Variants in AGPAT4 observed in about 807,000 individuals in gnomAD.
AGPAT4 encodes 1-acylglycerol-3-phosphate O-acyltransferase 4.
AGPAT4 carries 15 observed loss-of-function variants against 48.0 expected under a neutral mutation model. The ratio of observed to expected loss-of-function variants is 0.31; its 90% CI spans 0.21 to 0.48. The LOEUF is 0.48. Among genes scored for constraint, AGPAT4 ranks in the 20% least tolerant of loss-of-function variants. The pLI is 0.99. For missense variants in AGPAT4, 314 were observed against 482.5 expected (o/e 0.65, Z 3.27); for synonymous variants, 178 against 198.7 (o/e 0.90, Z 0.88).
chr6:161,166,595 G>A lies in AGPAT4; in HGVS notation c.179-178C>T, dbSNP rs543813598. Among the ~76,000 whole-genome samples the A allele has an allele frequency of 5.9e-5, 9 of 152,266 alleles. No individual in the cohort carries two copies. The highest frequency in any genetic ancestry group is 3.4e-3 in the Middle Eastern group (1 of 294). ...AGGGTTCAGAAGCGGAAGGAAACACGAGAAAGACTTCACAACATTCTCCAG... is the reference window on the plus strand; with the variant it reads ...AGGGTTCAGAAGCGGAAGGAAACACAAGAAAGACTTCACAACATTCTCCAG... On this transcript the variant is annotated intron_variant, in intron 2 of 8. Transcript: ENST00000320285. This position sits in a 1 kb window ranked among gnomAD's most constrained non-coding sequence, Gnocchi z 6.7.
At chr6:161,162,390 C>T (rs746336957) in intron 3 of AGPAT4, among the ~76,000 whole-genome samples, 2 of 152,234 alleles carry the variant, frequency 1.3e-5, no homozygotes, top group East Asian at 1.9e-4. Context: ...GCTCCTGCCC[C>T]GGGCGCCCGC....
rs73595100 is a variant in AGPAT4 at position 161,242,733 on chromosome 6, T to A, written c.-89-10431A>T. On this transcript the variant is annotated intron_variant, in intron 1 of 8. Coordinates refer to ENST00000320285, the MANE Select transcript of AGPAT4 (RefSeq NM_020133.3). The surrounding 1 kb of genome is among the most constrained non-coding windows in gnomAD (Gnocchi z 5.0). ...TCCAAACAGAAATGAAAAAAATTAA[T>A]CTTCCAAACAGGGGAAACGTCCACA... Among the ~76,000 whole-genome samples, 4,074 of 152,248 alleles carry A rather than the reference T, an allele frequency of 0.027. 213 individuals are homozygous for A. The highest frequency in any genetic ancestry group is 0.094 in the African/African-American group (3,919 of 41,528).
rs1430893741 is a variant in AGPAT4, at chr6:161,242,346, G to A, written c.-89-10044C>T. On this transcript the variant is annotated intron_variant, in intron 1 of 8. Coordinates refer to ENST00000320285, the MANE Select transcript of AGPAT4 (RefSeq NM_020133.3). This position sits in a 1 kb window ranked among gnomAD's most constrained non-coding sequence, Gnocchi z 5.0. The stretch of plus-strand genomic sequence containing the variant: ...TAGACTTCATGAACTTCAGCCTTCC[G>A]GGACGCCTGGGATTTCAGTCCATGG... 1.3e-5 allele frequency among the ~76,000 whole-genome samples: 2 copies of A among 152,130 alleles called. No homozygotes were observed. Among genetic ancestry groups the A allele is most frequent in the Non-Finnish European group, 2.9e-5 (2 of 68,026 alleles).
chr6:161,131,724 T>C lies in AGPAT4; in HGVS notation c.*4816A>G, dbSNP rs921766782. 1.3e-5 allele frequency: 2 copies of C among 152,222 alleles called. No individual in the cohort carries two copies. The highest frequency in any genetic ancestry group is 2.4e-5 in the African/African-American group (1 of 41,460). The allele number at this position is 152,222 out of a possible 1,614,324, so 9.4% of individuals were successfully genotyped here. On this transcript the variant is annotated 3_prime_UTR_variant, in exon 9 of 9. Coordinates refer to ENST00000320285, the MANE Select transcript of AGPAT4 (RefSeq NM_020133.3). ...CCAAAATAGCAGTAATTTCAAACAG[T>C]TGAATGTCGTGATCGATACTATGTC...
rs2314375 is a variant in AGPAT4 at position 161,158,452 on chromosome 6, T to C, written c.349-4142A>G. 0.074 allele frequency among the ~76,000 whole-genome samples: 11,312 copies of C among 152,298 alleles called. 480 individuals carry two copies. Among genetic ancestry groups the C allele is most frequent in the Middle Eastern group, 0.15 (44 of 294 alleles). ...TCTAGATACAAGCATATTTAGACAATCTAAAATTTTCACGTGGAGTAAACC... is the reference window on the plus strand; with the variant it reads ...TCTAGATACAAGCATATTTAGACAACCTAAAATTTTCACGTGGAGTAAACC... On this transcript the variant is annotated intron_variant, in intron 3 of 8. Coordinates refer to ENST00000320285, the MANE Select transcript of AGPAT4 (RefSeq NM_020133.3). The surrounding 1 kb of genome is among the most constrained non-coding windows in gnomAD (Gnocchi z 5.3).
At chr6:161,247,198 A>C (rs1280140313) in intron 1 of AGPAT4, among the ~76,000 whole-genome samples, 2 of 152,244 alleles carry the variant, frequency 1.3e-5, no homozygotes, top group African/African-American at 4.8e-5. Flanking sequence ...ACTTTTTTTA[A>C]AACAAAGAAT....
intron 1 of AGPAT4, among the ~76,000 whole-genome samples, chr6:161,241,068 C>T (rs1326142886): frequency 6.6e-6 from 1 of 151,872 alleles, no homozygotes; most frequent in Non-Finnish European, 1.5e-5. Flanking sequence ...TTCGAGACAG[C>T]CTGGCCAACA....
chr6:161,173,127 A>G (rs984202293), intron 2 of AGPAT4, among the ~76,000 whole-genome samples: 7 of 152,352 alleles, frequency 4.6e-5, no homozygotes, highest in Admixed American at 3.3e-4. Context: ...TCTTTATAGC[A>G]GCATGATTTA....
chr6:161,253,781 T>C (rs1425395683), intron 1 of AGPAT4, among the ~76,000 whole-genome samples: 1 of 152,192 alleles, frequency 6.6e-6, no homozygotes, highest in African/African-American at 2.4e-5. Context: ...CCTTTCTACA[T>C]TCAACACTGC....
intron 1 of AGPAT4, among the ~76,000 whole-genome samples, chr6:161,268,833 A>G (rs1353235427): frequency 6.6e-6 from 1 of 152,186 alleles, no homozygotes; most frequent in Non-Finnish European, 1.5e-5. Flanking sequence ...AAATAATTCT[A>G]CTAAGAAGAG....
chr6:161,186,658 C>G (rs541827790), intron 2 of AGPAT4, among the ~76,000 whole-genome samples: 34 of 152,240 alleles, frequency 2.2e-4, no homozygotes, highest in African/African-American at 7.2e-4. Context: ...TGGCTCCGCA[C>G]GATCAACCAG....
rs1781624944 is a variant in AGPAT4 at position 161,215,597 on chromosome 6, TTCTAG to T, written c.178+16434_178+16438del. ...ACAAGCTCTTTTTGAACCTAAAACATTCTAGTCTTTATATTCTGAAGCCTAGCACA... is the reference window on the plus strand; with the variant it reads ...ACAAGCTCTTTTTGAACCTAAAACATTCTTTATATTCTGAAGCCTAGCACA... On this transcript the variant is annotated intron_variant, in intron 2 of 8. Transcript: ENST00000320285. This position sits in a 1 kb window ranked among gnomAD's most constrained non-coding sequence, Gnocchi z 4.5. 6.6e-6 allele frequency among the ~76,000 whole-genome samples: 1 copy of T among 152,062 alleles called. No individual in the cohort carries two copies. The highest frequency in any genetic ancestry group is 2.4e-5 in the African/African-American group (1 of 41,392).
rs115638742 is a variant in AGPAT4, at chr6:161,202,656, G to T, written c.178+29380C>A. Among the ~76,000 whole-genome samples the T allele has an allele frequency of 5.1e-3, 781 of 152,284 alleles. 6 individuals are homozygous for T. Among genetic ancestry groups the T allele is most frequent in the African/African-American group, 0.018 (742 of 41,558 alleles). ...TATATCCCGCAGGCTCTTCTAGAAT[G>T]TAAGTCATTCCCCCATCGAGAGGTA... is the stretch of plus-strand genomic sequence containing the variant. On this transcript the variant is annotated intron_variant, in intron 2 of 8. Coordinates refer to ENST00000320285, the MANE Select transcript of AGPAT4 (RefSeq NM_020133.3). This position sits in a 1 kb window ranked among gnomAD's most constrained non-coding sequence, Gnocchi z 5.4.
Position 161,244,903 on chromosome 6 carries a change from G to A in AGPAT4, c.-89-12601C>T, listed in dbSNP as rs1220526520. Among the ~76,000 whole-genome samples, 1 of 152,204 alleles carries A rather than the reference G, an allele frequency of 6.6e-6. No individual in the cohort carries two copies. Among genetic ancestry groups the A allele is most frequent in the Non-Finnish European group, 1.5e-5 (1 of 68,046 alleles). ...AAAACCCCAGGCCTGGGGAGTCCCA[G>A]TGTCAGAGACAGGCTATCTCAGAAA... On this transcript the variant is annotated intron_variant, in intron 1 of 8. Transcript: ENST00000320285. The surrounding 1 kb of genome is among the most constrained non-coding windows in gnomAD (Gnocchi z 4.7).
At chr6:161,252,504 C>G (rs1281113082) in intron 1 of AGPAT4, among the ~76,000 whole-genome samples, 1 of 152,114 alleles carries the variant, frequency 6.6e-6, no homozygotes, top group Non-Finnish European at 1.5e-5. Flanking sequence ...GAAGATTCAG[C>G]AATTTTGCTT....
chr6:161,166,086 T>C lies in AGPAT4; in HGVS notation c.348+162A>G. On this transcript the variant is annotated intron_variant, in intron 3 of 8. Transcript: ENST00000320285. The surrounding 1 kb of genome is among the most constrained non-coding windows in gnomAD (Gnocchi z 6.7). The stretch of plus-strand genomic sequence containing the variant: ...ATTGCCCATAAGAAGCTGTTAAGAC[T>C]GACTCCCAGCAAGAATAAAAAGCAG... 1 of 929,528 alleles carries C rather than the reference T, an allele frequency of 1.1e-6. No individual in the cohort carries two copies. The highest frequency in any genetic ancestry group is 1.6e-6 in the Non-Finnish European group (1 of 617,044). 57.6% of individuals were successfully genotyped at this position (929,528 alleles called of 1,614,324 possible).
At position 161,166,147 on chromosome 6, in the gene AGPAT4, T is replaced by G; in HGVS notation, c.348+101A>C. ...CCATTTCATCAAGTAGAAACTCTGT[T>G]GATTCTTCTGCAAGTTCTGAATGAC... is the stretch of plus-strand genomic sequence containing the variant. On this transcript the variant is annotated intron_variant, in intron 3 of 8. Transcript: ENST00000320285. This position sits in a 1 kb window ranked among gnomAD's most constrained non-coding sequence, Gnocchi z 6.7. 6.9e-7 allele frequency: 1 copy of G among 1,458,766 alleles called. No individual in the cohort carries two copies. The highest frequency in any genetic ancestry group is 9.4e-7 in the Non-Finnish European group (1 of 1,068,568). 90.4% of individuals were successfully genotyped at this position (1,458,766 alleles called of 1,614,324 possible).
rs1782917697 is a variant in AGPAT4 at position 161,255,326 on chromosome 6, C to G, written c.-90+18612G>C. Reference sequence around the variant, plus strand: ...TGAAACACATCCAGCTGTAGTTCTTCTGATGTTAGAATTACCATATGACCC... The same window carrying G: ...TGAAACACATCCAGCTGTAGTTCTTGTGATGTTAGAATTACCATATGACCC... On this transcript the variant is annotated intron_variant, in intron 1 of 8. Transcript: ENST00000320285. This position sits in a 1 kb window ranked among gnomAD's most constrained non-coding sequence, Gnocchi z 4.7. 6.6e-6 allele frequency among the ~76,000 whole-genome samples: 1 copy of G among 152,180 alleles called. No individual in the cohort carries two copies. The highest frequency in any genetic ancestry group is 1.5e-5 in the Non-Finnish European group (1 of 68,034).
At position 161,144,031 on chromosome 6, in the gene AGPAT4, A is replaced by T. The variant is rs1472263733; in HGVS notation, c.843+2493T>A. On this transcript the variant is annotated intron_variant, in intron 7 of 8. Transcript: ENST00000320285. This position sits in a 1 kb window ranked among gnomAD's most constrained non-coding sequence, Gnocchi z 6.6. Reference sequence around the variant, plus strand: ...ATCATTAAAATGAAATCCCACTTTGACAAACTGGGTCGGGCACCCAGATTT... The same window carrying T: ...ATCATTAAAATGAAATCCCACTTTGTCAAACTGGGTCGGGCACCCAGATTT... 58 of 445,900 alleles carry T rather than the reference A, an allele frequency of 1.3e-4. No homozygotes were observed. In the East Asian group the frequency reaches 3.4e-3, roughly 26 times the overall value. The allele number at this position is 445,900 out of a possible 1,614,324, so 27.6% of individuals were successfully genotyped here.
Sources: gnomAD v4.1 joint callset for allele counts (sites outside exome capture counted in the v4.1 genomes callset) on GRCh38, gnomAD v4.1.1 for gene constraint, Gnocchi (gnomAD v3.1) non-coding constraint, MANE v1.5 for transcripts, NCBI Gene and HGNC (gene_info 2026-07-23, HGNC 2026-07-21) for gene names.